TRIM71: variants seen among roughly 807,000 people sequenced by gnomAD.
TRIM71 encodes tripartite motif containing 71.
Under a neutral mutation model 61.2 loss-of-function variants are expected in TRIM71, and 9 were observed. That is an observed-to-expected ratio of 0.15 (90% CI 0.09 to 0.26). TRIM71 has a LOEUF of 0.26. TRIM71 is among the 10% of genes least tolerant of loss of function. TRIM71 has a pLI of 1.00. For synonymous variants in TRIM71, 645 were observed against 553.2 expected (o/e 1.17, Z -2.33); for missense variants, 998 against 1,238.7 (o/e 0.81, Z 2.92).
chr3:32,864,561 T>C (rs1314761881), intron 1 of TRIM71, among the ~76,000 whole-genome samples: 1 of 151,982 alleles, frequency 6.6e-6, no homozygotes, highest in Admixed American at 6.6e-5. Flanking sequence ...AGAGGCAGAG[T>C]GTGGAGGACG....
intron 1 of TRIM71, among the ~76,000 whole-genome samples, chr3:32,866,912 C>T (rs2125686946): frequency 6.6e-6 from 1 of 152,046 alleles, no homozygotes; most frequent in East Asian, 1.9e-4. Flanking sequence ...AAGAAGGGAG[C>T]ATGGTGTGGT....
intron 1 of TRIM71, among the ~76,000 whole-genome samples, chr3:32,838,394 T>C (rs1696358673): frequency 6.6e-6 from 1 of 152,046 alleles, no homozygotes; most frequent in South Asian, 2.1e-4. Context: ...CCAGCTAATT[T>C]TATATTTTTA....
chr3:32,877,784 G>T (rs1036173167), intron 2 of TRIM71, among the ~76,000 whole-genome samples: 6 of 152,082 alleles, frequency 3.9e-5, no homozygotes, highest in Non-Finnish European at 5.9e-5. Flanking sequence ...CACCACATCT[G>T]CAGTGACTTC....
intron 1 of TRIM71, among the ~76,000 whole-genome samples, chr3:32,854,586 C>T (rs1696575420): frequency 6.6e-6 from 1 of 152,174 alleles, no homozygotes; most frequent in Non-Finnish European, 1.5e-5. Context: ...TCTTCATTCC[C>T]TAGGCCTTAC....
intron 1 of TRIM71, among the ~76,000 whole-genome samples, chr3:32,855,164 C>CTG: frequency 6.6e-6 from 1 of 152,288 alleles, no homozygotes; most frequent in East Asian, 1.9e-4. Flanking sequence ...CAGGCATCCA[C>CTG]TGGGGGTCTT....
intron 1 of TRIM71, among the ~76,000 whole-genome samples, chr3:32,848,311 T>C (rs1696497879): frequency 6.6e-6 from 1 of 152,242 alleles, no homozygotes; most frequent in Admixed American, 6.5e-5. Flanking sequence ...TGCATTTCTT[T>C]CTGCCCTCTT....
intron 3 of TRIM71, among the ~76,000 whole-genome samples, chr3:32,886,931 A>C (rs1696968150): frequency 6.6e-6 from 1 of 152,292 alleles, no homozygotes; most frequent in Non-Finnish European, 1.5e-5. Flanking sequence ...CTGACCTCTT[A>C]AGGAATATGG....
At chr3:32,826,582 CTTTTT>C (rs71068090) in intron 1 of TRIM71, among the ~76,000 whole-genome samples, 11 of 83,092 alleles carry the variant, frequency 1.3e-4, no homozygotes, top group Admixed American at 1.1e-3. Flanking sequence ...CAGGTGAGTT[CTTTTT>C]TTTTTTTTTT....
At chr3:32,824,906 A>T (rs1343923723) in intron 1 of TRIM71, among the ~76,000 whole-genome samples, 18 of 150,544 alleles carry the variant, frequency 1.2e-4, no homozygotes, top group African/African-American at 4.4e-4. Context: ...GCAATTCTTC[A>T]GCCTCAGCCT....
rs566146512 is a variant in TRIM71 at position 32,876,252 on chromosome 3, C to T, written c.1020+2267C>T. Among the ~76,000 whole-genome samples the T allele has an allele frequency of 3.3e-4, 50 of 152,206 alleles. 1 individual carries two copies. Among genetic ancestry groups the T allele is most frequent in the African/African-American group, 8.2e-4 (34 of 41,520 alleles). On this transcript the variant is annotated intron_variant, in intron 2 of 3. Transcript: ENST00000383763. The stretch of plus-strand genomic sequence containing the variant: ...TACCCTGCTGGTGTCTCCTCGACAC[C>T]GGTGCCCTCGACACTGTGGCATCGC...
intron 1 of TRIM71, among the ~76,000 whole-genome samples, chr3:32,843,227 C>A (rs1032590501): frequency 1.4e-4 from 21 of 152,140 alleles, no homozygotes; most frequent in African/African-American, 4.6e-4. Flanking sequence ...ACTTTCACCC[C>A]CCAAGATCTG....
At chr3:32,849,080 G>T (rs1696508925) in intron 1 of TRIM71, among the ~76,000 whole-genome samples, 1 of 152,140 alleles carries the variant, frequency 6.6e-6, no homozygotes, top group South Asian at 2.1e-4. Context: ...TAAGCTGGGG[G>T]TACTAAGTGG....
intron 1 of TRIM71, among the ~76,000 whole-genome samples, chr3:32,863,449 T>C (rs1464643346): frequency 6.6e-5 from 10 of 152,088 alleles, no homozygotes; most frequent in African/African-American, 2.4e-4. Flanking sequence ...TATATACCTG[T>C]GTAATCAATC....
chr3:32,827,060 C>T (rs972495221), intron 1 of TRIM71, among the ~76,000 whole-genome samples: 6 of 151,226 alleles, frequency 4.0e-5, no homozygotes, highest in South Asian at 2.1e-4. Context: ...CCACCGCGCC[C>T]GGGCTATGAG....
Position 32,881,027 on chromosome 3 carries a change from A to ATT in TRIM71, c.1021-4906_1021-4905insTT, listed in dbSNP as rs920084099. Among the ~76,000 whole-genome samples the ATT allele has an allele frequency of 5.9e-5, 9 of 151,762 alleles. No individual in the cohort carries two copies. In the East Asian group the frequency reaches 1.4e-3, roughly 24 times the overall value. On this transcript the variant is annotated intron_variant, in intron 2 of 3. Transcript: ENST00000383763. ...GAAAATTTTATATATGTATATATAT[A>ATT]TATTTTTTTGAGGTGGAGTCTCACT...
At chr3:32,818,959 G>A in intron 1 of TRIM71, 27 bp downstream of exon 1, 1 of 1,606,194 alleles carries the variant, frequency 6.2e-7, no homozygotes, top group South Asian at 1.1e-5. Context: ...GTGTGTTTGT[G>A]TCCATCGGAT....
intron 1 of TRIM71, among the ~76,000 whole-genome samples, chr3:32,870,025 C>T (rs1275884614): frequency 2.0e-5 from 3 of 152,216 alleles, no homozygotes; most frequent in Non-Finnish European, 4.4e-5. Flanking sequence ...GGCTATAGGA[C>T]CCTCCACACA....
intron 1 of TRIM71, among the ~76,000 whole-genome samples, chr3:32,863,960 G>A (rs970202859): frequency 3.3e-5 from 5 of 152,192 alleles, no homozygotes; most frequent in African/African-American, 1.2e-4. Flanking sequence ...TGGGATTACA[G>A]GCATGAGCCA....
intron 1 of TRIM71, among the ~76,000 whole-genome samples, chr3:32,857,950 G>GAT (rs1206947741): frequency 6.6e-6 from 1 of 152,148 alleles, no homozygotes; most frequent in Non-Finnish European, 1.5e-5. Context: ...TAGCCTGGGT[G>GAT]ATAGAGTGAG....
Sources: allele counts gnomAD v4.1 joint callset (sites outside exome capture counted in the v4.1 genomes callset), GRCh38; gene constraint gnomAD v4.1.1; transcripts MANE v1.5; gene names NCBI Gene and HGNC (gene_info 2026-07-23, HGNC 2026-07-21).